ZFAND3: variants seen among roughly 807,000 people sequenced by gnomAD.
The protein encoded by ZFAND3 is zinc finger AN1-type containing 3, also known as AN1-type zinc finger protein 3.
In ZFAND3, 10 loss-of-function variants were observed where a neutral mutation model predicts 29.6. The ratio of observed to expected loss-of-function variants is 0.34; its 90% CI spans 0.21 to 0.57. The LOEUF (loss-of-function observed/expected upper bound fraction) is 0.57, where lower values mean the gene tolerates loss of function less well. ZFAND3 is among the 20% of genes least tolerant of loss of function. ZFAND3 has a pLI of 0.86. For missense variants in ZFAND3, 230 were observed against 304.5 expected, an observed-to-expected ratio of 0.76 and a Z score of 1.82; for synonymous variants, 128 against 112.6, an observed-to-expected ratio of 1.14 and a Z score of -0.87.
intron 2 of ZFAND3, among the ~76,000 whole-genome samples, chr6:38,053,785 G>T (rs2127460949): frequency 6.6e-6 from 1 of 152,272 alleles, no homozygotes; most frequent in East Asian, 1.9e-4. Flanking sequence ...GGATTCAAGA[G>T]ATATTTAGGA....
intron 2 of ZFAND3, among the ~76,000 whole-genome samples, chr6:37,937,678 A>G (rs1449316464): frequency 6.8e-6 from 1 of 147,462 alleles, no homozygotes; most frequent in Non-Finnish European, 1.5e-5. Context: ...AAAAAAGGCA[A>G]AAAAAGTAAC....
intron 2 of ZFAND3, among the ~76,000 whole-genome samples, chr6:38,030,521 CTAAAG>C (rs1453254878): frequency 6.6e-6 from 1 of 152,030 alleles, no homozygotes; most frequent in East Asian, 1.9e-4. Flanking sequence ...CTACCCCAAA[CTAAAG>C]TATTCAGAGA....
At chr6:37,875,601 T>C (rs1403873856) in intron 1 of ZFAND3, among the ~76,000 whole-genome samples, 1 of 151,888 alleles carries the variant, frequency 6.6e-6, no homozygotes, top group Non-Finnish European at 1.5e-5. Flanking sequence ...CATCTATATA[T>C]TAGTTCTTGT....
At chr6:38,037,997 C>T (rs1181049573) in intron 2 of ZFAND3, among the ~76,000 whole-genome samples, 12 of 152,134 alleles carry the variant, frequency 7.9e-5, no homozygotes, top group Admixed American at 5.2e-4. Flanking sequence ...GGAAGAAGAA[C>T]GTGAGCTAAT....
chr6:38,043,419 T>TCTTCTCTCCC (rs1290807588), intron 2 of ZFAND3, among the ~76,000 whole-genome samples: 1 of 140,562 alleles, frequency 7.1e-6, no homozygotes, highest in Non-Finnish European at 1.5e-5. Flanking sequence ...CCTCCCTTTC[T>TCTTCTCTCCC]CTTCTCTCCC....
intron 2 of ZFAND3, among the ~76,000 whole-genome samples, chr6:38,025,048 A>G (rs1266711331): frequency 1.3e-5 from 2 of 152,218 alleles, no homozygotes; most frequent in East Asian, 3.8e-4. Context: ...ATCCATTCAC[A>G]TGTCACATGA....
intron 3 of ZFAND3, among the ~76,000 whole-genome samples, chr6:38,080,537 A>G (rs1404129707): frequency 1.3e-5 from 2 of 152,244 alleles, no homozygotes; most frequent in South Asian, 2.1e-4. Flanking sequence ...TGATTCATCA[A>G]AAGTCGCTTA....
intron 2 of ZFAND3, among the ~76,000 whole-genome samples, chr6:37,985,127 A>G (rs1762644253): frequency 1.3e-5 from 2 of 152,208 alleles, no homozygotes; most frequent in Admixed American, 1.3e-4. Context: ...TATGTAAGGC[A>G]CTAGAGGAAT....
At position 38,061,588 on chromosome 6, in the gene ZFAND3, T is replaced by G; in HGVS notation, c.113-5T>G. 1 of 1,614,016 alleles carries G rather than the reference T, an allele frequency of 6.2e-7. No individual in the cohort carries two copies. Among genetic ancestry groups the G allele is most frequent in the Non-Finnish European group, 8.5e-7 (1 of 1,179,920 alleles). ...TAATTAAGCTCGTTTTCTATTTTTC[T>G]TCAGATTTTCAAAAGAAACAGCCAG... On this transcript the variant is annotated splice_region_variant and splice_polypyrimidine_tract_variant and intron_variant, in intron 2 of 5. Coordinates refer to ENST00000287218, the MANE Select transcript of ZFAND3 (RefSeq NM_021943.3).
intron 2 of ZFAND3, among the ~76,000 whole-genome samples, chr6:37,995,673 T>G (rs1762837417): frequency 6.6e-6 from 1 of 152,218 alleles, no homozygotes; most frequent in Non-Finnish European, 1.5e-5. Flanking sequence ...GACCTCTTCC[T>G]TAAATGAAAT....
At chr6:38,006,659 T>G (rs1292965474) in intron 2 of ZFAND3, among the ~76,000 whole-genome samples, 1 of 144,498 alleles carries the variant, frequency 6.9e-6, no homozygotes, top group Non-Finnish European at 1.5e-5. Flanking sequence ...AAGAGGGTTT[T>G]TTTTTTTTTT....
intron 3 of ZFAND3, among the ~76,000 whole-genome samples, chr6:38,068,507 A>G (rs949230611): frequency 6.6e-6 from 1 of 152,188 alleles, no homozygotes; most frequent in African/African-American, 2.4e-5. Flanking sequence ...TGTTCCTAGA[A>G]TCATCTTGAC....
intron 2 of ZFAND3, among the ~76,000 whole-genome samples, chr6:38,005,578 G>A (rs1246467009): frequency 1.3e-5 from 2 of 152,076 alleles, no homozygotes; most frequent in Non-Finnish European, 2.9e-5. Context: ...TTGAGCACTT[G>A]GGCAAGTCAT....
intron 1 of ZFAND3, among the ~76,000 whole-genome samples, chr6:37,831,649 G>A (rs1249457457): frequency 6.6e-6 from 1 of 152,196 alleles, no homozygotes. Context: ...TTAGGTTTGA[G>A]CTAGATATGA....
chr6:37,971,824 A>G (rs1449772621), intron 2 of ZFAND3, among the ~76,000 whole-genome samples: 2 of 113,052 alleles, frequency 1.8e-5, no homozygotes, highest in Admixed American at 9.9e-5. Flanking sequence ...CCCCATCTGT[A>G]CAAAATGAAA....
chr6:37,880,076 T>C (rs1764863594), intron 1 of ZFAND3, among the ~76,000 whole-genome samples: 1 of 152,228 alleles, frequency 6.6e-6, no homozygotes, highest in South Asian at 2.1e-4. Context: ...TAACATGAAA[T>C]GTTTTTCTTT....
intron 5 of ZFAND3, chr6:38,142,440 C>T: frequency 2.2e-6 from 1 of 450,222 alleles, no homozygotes; most frequent in South Asian, 1.6e-5. Context: ...TGAGTTACCC[C>T]CATGGGCCCA....
intron 1 of ZFAND3, among the ~76,000 whole-genome samples, chr6:37,846,843 C>T (rs1279571329): frequency 6.6e-6 from 1 of 151,944 alleles, no homozygotes; most frequent in Non-Finnish European, 1.5e-5. Flanking sequence ...TCCCGAGTAG[C>T]TGGGACTACA....
At chr6:37,941,194 A>G (rs1422023164) in intron 2 of ZFAND3, among the ~76,000 whole-genome samples, 1 of 152,250 alleles carries the variant, frequency 6.6e-6, no homozygotes, top group Non-Finnish European at 1.5e-5. Context: ...ATGGAAGTTT[A>G]GACTTGGATC....
Sources: allele counts gnomAD v4.1 joint callset (sites outside exome capture counted in the v4.1 genomes callset), GRCh38; gene constraint gnomAD v4.1.1; transcripts MANE v1.5; gene names NCBI Gene and HGNC (gene_info 2026-07-23, HGNC 2026-07-21).